The following NBAS variants were observed in gnomAD, a reference collection of about 807,000 sequenced individuals.
The protein encoded by NBAS is NAG/BC035112 fusion.
In NBAS, 219 loss-of-function variants were observed where a neutral mutation model predicts 302.5. The observed-to-expected ratio is 0.72, with a 90% confidence interval of 0.65 to 0.81. The LOEUF is 0.81. Ranked by LOEUF, NBAS falls within the 30% of genes least tolerant of loss-of-function variation. The pLI is 0.00. For missense variants in NBAS, 2,932 were observed against 2,841.6 expected, an observed-to-expected ratio of 1.03 and a Z score of -0.72; for synonymous variants, 1,118 against 1,021.6, an observed-to-expected ratio of 1.09 and a Z score of -1.80.
chr2:15,207,486 G>T (rs920576171), intron 48 of NBAS, among the ~76,000 whole-genome samples: 1 of 152,154 alleles, frequency 6.6e-6, no homozygotes, highest in African/African-American at 2.4e-5. Flanking sequence ...AGGCATATTG[G>T]TTTTGAAAAG....
chr2:14,847,647 A>G, the NBAS span, among the ~76,000 whole-genome samples: 1 of 152,156 alleles, frequency 6.6e-6, no homozygotes, highest in Non-Finnish European at 1.5e-5. Flanking sequence ...AGAAAATATT[A>G]TTAGGGCTAA....
At chr2:15,429,699 A>G (rs1370904430) in intron 21 of NBAS, among the ~76,000 whole-genome samples, 2 of 152,226 alleles carry the variant, frequency 1.3e-5, no homozygotes, top group East Asian at 3.8e-4. Flanking sequence ...TCGTGTATCT[A>G]AAACACAGAT....
Position 15,427,699 on chromosome 2 carries a change from G to T in NBAS, c.2423+12C>A. 6.2e-7 allele frequency: 1 copy of T among 1,600,388 alleles called. No homozygotes were observed. The highest frequency in any genetic ancestry group is 8.5e-7 in the Non-Finnish European group (1 of 1,169,948). Reference sequence around the variant, plus strand: ...AAAGAAACAAAGATGCCTCCTGCAGGCTCATACTGACCTGCAAGCCAACTC... The same window carrying T: ...AAAGAAACAAAGATGCCTCCTGCAGTCTCATACTGACCTGCAAGCCAACTC... On this transcript the variant is annotated intron_variant, in intron 22 of 51. Transcript: ENST00000281513.
the NBAS span, among the ~76,000 whole-genome samples, chr2:14,833,687 A>C: frequency 6.6e-6 from 1 of 151,982 alleles, no homozygotes; most frequent in South Asian, 2.1e-4. Flanking sequence ...AATTCTTAAG[A>C]ATAAGAAAAA....
chr2:15,035,861 A>C, the NBAS span, among the ~76,000 whole-genome samples: 122,153 of 151,990 alleles, frequency 0.8, 49,627 homozygotes, highest in East Asian at 1. Flanking sequence ...CGAGGCCTGT[A>C]GGGGGTGGGA....
the NBAS span, among the ~76,000 whole-genome samples, chr2:14,871,239 T>C: frequency 4.8e-5 from 7 of 146,286 alleles, no homozygotes; most frequent in African/African-American, 1.8e-4. Context: ...AAAAAAAAAA[T>C]CTAAAGAAAA....
the NBAS span, among the ~76,000 whole-genome samples, chr2:14,832,270 A>G: frequency 6.6e-6 from 1 of 152,066 alleles, no homozygotes; most frequent in Non-Finnish European, 1.5e-5. Context: ...ACCCCTATGT[A>G]TGTTTGCTTT....
At chr2:15,173,811 G>T (rs1664408002) in intron 51 of NBAS, among the ~76,000 whole-genome samples, 2 of 152,092 alleles carry the variant, frequency 1.3e-5, no homozygotes, top group Non-Finnish European at 2.9e-5. Context: ...AGTTCCACAC[G>T]CTGTACCTAC....
the NBAS span, among the ~76,000 whole-genome samples, chr2:15,064,563 C>T: frequency 0.51 from 77,124 of 151,656 alleles, 21,835 homozygotes; most frequent in Non-Finnish European, 0.62. Flanking sequence ...ATGAGAAGAC[C>T]GAATCAGTAA....
At chr2:14,825,826 C>T in the NBAS span, among the ~76,000 whole-genome samples, 2 of 152,146 alleles carry the variant, frequency 1.3e-5, no homozygotes, top group Admixed American at 6.5e-5. Flanking sequence ...AAGGCAGGAA[C>T]TAGGCTGGGT....
At chr2:15,409,632 C>CT (rs1395699490) in intron 25 of NBAS, among the ~76,000 whole-genome samples, 1 of 152,072 alleles carries the variant, frequency 6.6e-6, no homozygotes, top group Non-Finnish European at 1.5e-5. Context: ...AAATCTTACT[C>CT]TTTTTTTCAC....
chr2:15,486,210 G>A (rs1449637908), intron 12 of NBAS, among the ~76,000 whole-genome samples: 1 of 152,180 alleles, frequency 6.6e-6, no homozygotes, highest in African/African-American at 2.4e-5. Flanking sequence ...AACATCCTTG[G>A]TAATGGCAAC....
chr2:15,374,436 T>A (rs927677516), intron 31 of NBAS, among the ~76,000 whole-genome samples, 172 bp downstream of exon 31: 1 of 152,222 alleles, frequency 6.6e-6, no homozygotes, highest in African/African-American at 2.4e-5. Flanking sequence ...CTTTATTTTT[T>A]CTTTTGGGTT....
At chr2:15,433,564 T>C (rs1000615425) in intron 21 of NBAS, among the ~76,000 whole-genome samples, 2 of 152,206 alleles carry the variant, frequency 1.3e-5, no homozygotes, top group African/African-American at 2.4e-5. Context: ...CCTCCACTTA[T>C]ACCATCCTGA....
At chr2:14,941,332 G>A in the NBAS span, among the ~76,000 whole-genome samples, 7 of 152,222 alleles carry the variant, frequency 4.6e-5, no homozygotes, top group Non-Finnish European at 7.3e-5. Context: ...GCAATGCTGG[G>A]AGGGTGTATG....
At chr2:15,083,805 T>C in the NBAS span, among the ~76,000 whole-genome samples, 1 of 152,072 alleles carries the variant, frequency 6.6e-6, no homozygotes, top group Admixed American at 6.5e-5. Context: ...ATTGTGGAGG[T>C]AGCAGACCAT....
At chr2:14,906,595 G>A in the NBAS span, among the ~76,000 whole-genome samples, 10 of 152,112 alleles carry the variant, frequency 6.6e-5, no homozygotes, top group Non-Finnish European at 1.3e-4. Context: ...GTGGAATTCT[G>A]GAGTCCTGAA....
the NBAS span, among the ~76,000 whole-genome samples, chr2:14,875,402 G>C: frequency 1.3e-5 from 2 of 152,252 alleles, no homozygotes; most frequent in Admixed American, 1.3e-4. Flanking sequence ...CGAACACGAG[G>C]TCAGGAGTTC....
At chr2:15,025,966 G>C in the NBAS span, among the ~76,000 whole-genome samples, 8 of 152,040 alleles carry the variant, frequency 5.3e-5, no homozygotes, top group Non-Finnish European at 8.8e-5. Flanking sequence ...TCCTTCTCTT[G>C]CCTGATTGCT....
Sources: allele counts gnomAD v4.1 joint callset (sites outside exome capture counted in the v4.1 genomes callset), GRCh38; gene constraint gnomAD v4.1.1; transcripts MANE v1.5; gene names NCBI Gene and HGNC (gene_info 2026-07-23, HGNC 2026-07-21).